Variants in AGAP1 observed in about 807,000 individuals in gnomAD.
AGAP1 encodes ArfGAP with GTPase domain, ankyrin repeat and PH domain 1.
Under a neutral mutation model 105.3 loss-of-function variants are expected in AGAP1, and 29 were observed. The observed-to-expected ratio is 0.28, with a 90% CI of 0.21 to 0.38. AGAP1 has a LOEUF of 0.38. AGAP1 is among the 10% of genes least tolerant of loss of function. The pLI is 1.00. For missense variants in AGAP1, 998 were observed against 1,165.1 expected, an observed-to-expected ratio of 0.86 and a Z score of 2.09; for synonymous variants, 509 against 485.9, an observed-to-expected ratio of 1.05 and a Z score of -0.63.
rs893660665 is a variant in AGAP1, at chr2:236,038,248, C to T, written c.1800+1533C>T. 5.3e-5 allele frequency among the ~76,000 whole-genome samples: 8 copies of T among 152,214 alleles called. No homozygotes were observed. The highest frequency in any genetic ancestry group is 4.4e-5 in the Non-Finnish European group (3 of 68,040). On this transcript the variant is annotated intron_variant, in intron 14 of 17. Coordinates refer to ENST00000304032, the MANE Select transcript of AGAP1 (RefSeq NM_001037131.3). This position sits in a 1 kb window ranked among gnomAD's most constrained non-coding sequence, Gnocchi z 4.5. ...ATGGGAAGCAACAGCACACAGCATC[C>T]TCCAAGCGTGGGCAGCTCATTCTGA...
At chr2:235,545,229 T>C (rs1410885358) in intron 1 of AGAP1, among the ~76,000 whole-genome samples, 2 of 152,198 alleles carry the variant, frequency 1.3e-5, no homozygotes, top group Non-Finnish European at 2.9e-5. Flanking sequence ...ATTTGGGCCA[T>C]CACCCCCTTC....
At chr2:235,529,539 G>C (rs1167519565) in intron 1 of AGAP1, among the ~76,000 whole-genome samples, 1 of 152,166 alleles carries the variant, frequency 6.6e-6, no homozygotes, top group East Asian at 1.9e-4. Context: ...TGTGCAGTCA[G>C]CATCAGACTC....
At position 235,883,422 on chromosome 2, in the gene AGAP1, C is replaced by T. The variant is rs568986790; in HGVS notation, c.1128C>T (p.Gly376=). The T allele has an allele frequency of 1.6e-5, 26 of 1,613,982 alleles. No individual in the cohort carries two copies. The South Asian group carries it at 2.2e-4, about 14-fold the overall frequency. The change falls in exon 10 of 18, where the codon GGC becomes GGT. Residue 376 remains glycine, a synonymous_variant. Coordinates refer to ENST00000304032, the MANE Select transcript of AGAP1 (RefSeq NM_001037131.3). The surrounding 1 kb of genome is among the most constrained non-coding windows in gnomAD (Gnocchi z 4.5). ...KKKYVTLCDN[G]VLTYHPSLHD... ...AATATGTCACCCTGTGTGACAATGG[C>T]GTGCTGACCTATCATCCCAGTTTAC...
chr2:235,857,451 A>G (rs749451574), intron 9 of AGAP1, among the ~76,000 whole-genome samples: 29 of 152,176 alleles, frequency 1.9e-4, no homozygotes, highest in Non-Finnish European at 7.4e-5. Context: ...GACCTCAGAC[A>G]CAGGTTCCTG....
At chr2:236,072,892 A>G (rs1055703133) in intron 16 of AGAP1, among the ~76,000 whole-genome samples, 1 of 152,236 alleles carries the variant, frequency 6.6e-6, no homozygotes, top group African/African-American at 2.4e-5. Flanking sequence ...TTAAAAAGTC[A>G]AAAGAACCTG....
chr2:235,670,784 T>C (rs1948364856), intron 1 of AGAP1: 6 of 1,250,610 alleles, frequency 4.8e-6, no homozygotes, highest in African/African-American at 1.6e-5. Context: ...CCTGGAGCGT[T>C]GGGAACGCAG....
chr2:236,071,093 C>T (rs962457318), intron 16 of AGAP1, among the ~76,000 whole-genome samples: 2 of 152,202 alleles, frequency 1.3e-5, no homozygotes, highest in Admixed American at 6.5e-5. Context: ...ACGGCTTTGC[C>T]GGCATGGAGT....
intron 1 of AGAP1, among the ~76,000 whole-genome samples, chr2:235,532,299 C>T (rs1943070739): frequency 1.3e-5 from 2 of 152,196 alleles, no homozygotes; most frequent in South Asian, 2.1e-4. Flanking sequence ...TCACTGCAAC[C>T]TCTGCCTGCC....
chr2:235,802,195 G>T (rs1463680472), intron 8 of AGAP1, among the ~76,000 whole-genome samples: 2 of 152,138 alleles, frequency 1.3e-5, no homozygotes, highest in Non-Finnish European at 2.9e-5. Context: ...AAGGAGAAGG[G>T]GCTCTGCACA....
chr2:236,057,973 T>C (rs951925846), intron 16 of AGAP1, among the ~76,000 whole-genome samples: 1 of 152,158 alleles, frequency 6.6e-6, no homozygotes, highest in Non-Finnish European at 1.5e-5. Context: ...GAGGGCCTGC[T>C]GATATAGAAG....
chr2:235,642,309 A>G lies in AGAP1; in HGVS notation c.164-66870A>G, dbSNP rs184793861. Among the ~76,000 whole-genome samples the G allele has an allele frequency of 2.1e-3, 323 of 152,284 alleles. 2 individuals are homozygous for G. The highest frequency in any genetic ancestry group is 3.3e-3 in the Non-Finnish European group (226 of 68,012). ...AGGATTTACAAAGAAACTTGAGGTG[A>G]GGGGCCCTCTGCACTCAACCTCCTG... On this transcript the variant is annotated intron_variant, in intron 1 of 17. Transcript: ENST00000304032. The surrounding 1 kb of genome is among the most constrained non-coding windows in gnomAD (Gnocchi z 4.1).
intron 9 of AGAP1, among the ~76,000 whole-genome samples, chr2:235,823,854 T>C (rs969402432): frequency 9.8e-5 from 15 of 152,342 alleles, no homozygotes; most frequent in African/African-American, 3.6e-4. Flanking sequence ...TTTGTGTGTT[T>C]ATGTATCTAG....
At chr2:235,813,125 C>T (rs1245026120) in intron 9 of AGAP1, among the ~76,000 whole-genome samples, 3 of 152,212 alleles carry the variant, frequency 2.0e-5, no homozygotes, top group South Asian at 2.1e-4. Context: ...GAGGCCTACA[C>T]GTGAAATGAC....
chr2:235,685,169 C>G (rs184457491), intron 1 of AGAP1, among the ~76,000 whole-genome samples: 1 of 152,130 alleles, frequency 6.6e-6, no homozygotes, highest in East Asian at 2.0e-4. Flanking sequence ...TGTGAGGGGA[C>G]CTTTCTTTAT....
At chr2:235,807,981 A>G (rs1957926894) in intron 9 of AGAP1, among the ~76,000 whole-genome samples, 1 of 152,140 alleles carries the variant, frequency 6.6e-6, no homozygotes, top group Non-Finnish European at 1.5e-5. Flanking sequence ...CTATGTTGCT[A>G]GCCTGGAACA....
chr2:235,812,505 G>T (rs1253834074), intron 9 of AGAP1, among the ~76,000 whole-genome samples: 1 of 152,240 alleles, frequency 6.6e-6, no homozygotes, highest in Non-Finnish European at 1.5e-5. Flanking sequence ...AACACGAGGG[G>T]TGTATTGTGT....
At chr2:235,670,479 A>T (rs1310995787) in intron 1 of AGAP1, 1 of 518,444 alleles carries the variant, frequency 1.9e-6, no homozygotes, top group Non-Finnish European at 3.4e-6. Context: ...GCCCCGGCCG[A>T]GGAGGAGGGA....
intron 1 of AGAP1, among the ~76,000 whole-genome samples, chr2:235,522,362 G>C (rs1462128115): frequency 6.6e-6 from 1 of 152,170 alleles, no homozygotes; most frequent in Middle Eastern, 3.2e-3. Flanking sequence ...GTCTGTACCA[G>C]CTCTGAGGTA....
At chr2:235,650,409 G>A (rs1025743449) in intron 1 of AGAP1, among the ~76,000 whole-genome samples, 3 of 151,978 alleles carry the variant, frequency 2.0e-5, no homozygotes, top group East Asian at 3.9e-4. Context: ...CTGTCCTTAC[G>A]TCCTTCCATC....
Sources: allele counts gnomAD v4.1 joint callset (sites outside exome capture counted in the v4.1 genomes callset), GRCh38; gene constraint gnomAD v4.1.1; non-coding constraint Gnocchi (gnomAD v3.1); transcripts MANE v1.5; gene names NCBI Gene and HGNC (gene_info 2026-07-23, HGNC 2026-07-21).